Variants in SLC38A1 observed in about 807,000 individuals in gnomAD.
The protein encoded by SLC38A1 is sodium-coupled neutral amino acid symporter 1.
Under a neutral mutation model 60.3 loss-of-function variants are expected in SLC38A1, and 18 were observed. That is an observed-to-expected ratio of 0.30 (90% CI 0.21 to 0.44). The LOEUF (loss-of-function observed/expected upper bound fraction) is 0.44. SLC38A1 is among the 20% of genes least tolerant of loss of function. The probability of loss-of-function intolerance (pLI) is 1.00; values close to 1 mark genes in which losing one functional copy is unlikely to be tolerated. For synonymous variants in SLC38A1, 196 were observed against 212.1 expected, an observed-to-expected ratio of 0.92 and a Z score of 0.66; for missense variants, 448 against 587.2, an observed-to-expected ratio of 0.76 and a Z score of 2.45.
intron 3 of SLC38A1, among the ~76,000 whole-genome samples, chr12:46,233,725 T>C (rs947192046): frequency 6.6e-6 from 1 of 152,228 alleles, no homozygotes; most frequent in African/African-American, 2.4e-5. Flanking sequence ...TTTTAATGAG[T>C]AACCGTTAAA....
chr12:46,260,036 C>A (rs982978883), intron 1 of SLC38A1, among the ~76,000 whole-genome samples: 1 of 152,184 alleles, frequency 6.6e-6, no homozygotes, highest in African/African-American at 2.4e-5. Context: ...GTAAAATGGA[C>A]TTAAAGCAAT....
intron 5 of SLC38A1, among the ~76,000 whole-genome samples, chr12:46,225,851 C>G (rs970290604): frequency 6.6e-6 from 1 of 152,048 alleles, no homozygotes; most frequent in Non-Finnish European, 1.5e-5. Context: ...CAGCAAAATC[C>G]AGATTGTGGA....
rs1179500123 is a variant in SLC38A1, at chr12:46,206,106, A to C, written c.620T>G (p.Leu207Arg). The C allele has an allele frequency of 6.2e-7, 1 of 1,612,054 alleles. No homozygotes were observed. Among genetic ancestry groups the C allele is most frequent in the African/African-American group, 1.3e-5 (1 of 74,834 alleles). ...LVVIVTFGIILPLCLLKNLGY... is the reference protein window; with the variant it reads ...LVVIVTFGIIRPLCLLKNLGY... ...TAAGTTCTTCAAGAGACACAGAGGG[A>C]GAATTATGCCAAAGGTAACTATCAC... Residue 207 changes from leucine (L) to arginine (R), a missense_variant, in exon 9 of 17, where the codon CTC (leucine) becomes CGC (arginine). Transcript: ENST00000398637.
At chr12:46,257,581 G>A (rs181090299) in intron 1 of SLC38A1, among the ~76,000 whole-genome samples, 2 of 152,070 alleles carry the variant, frequency 1.3e-5, no homozygotes, top group South Asian at 2.1e-4. Flanking sequence ...TGTACCTTCC[G>A]GGTTTGGCAG....
intron 3 of SLC38A1, 68 bp downstream of exon 3, chr12:46,239,611 G>A (rs1369556464): frequency 1.9e-6 from 3 of 1,571,316 alleles, no homozygotes; most frequent in Non-Finnish European, 2.6e-6. Context: ...CCAAAGTGAT[G>A]GGATTACAGG....
intron 13 of SLC38A1, among the ~76,000 whole-genome samples, chr12:46,200,556 G>T (rs1197307198): frequency 1.3e-5 from 2 of 152,096 alleles, no homozygotes; most frequent in Non-Finnish European, 2.9e-5. Context: ...TTCATTCAGG[G>T]TCAGTAAAAG....
chr12:46,190,694 G>A (rs1939109949), intron 16 of SLC38A1, among the ~76,000 whole-genome samples: 1 of 152,196 alleles, frequency 6.6e-6, no homozygotes, highest in African/African-American at 2.4e-5. Flanking sequence ...CAGTGATGAT[G>A]AGCATTTTTT....
At chr12:46,204,631 C>T (rs763666583) in intron 9 of SLC38A1, 41 bp from the exon 10 acceptor site, 15 of 1,525,222 alleles carry the variant, frequency 9.8e-6, no homozygotes, top group Admixed American at 4.0e-5. Context: ...CATTTTTTTC[C>T]ATTTTTAAAA....
At chr12:46,206,886 TA>T (rs1939929157) in intron 8 of SLC38A1, among the ~76,000 whole-genome samples, 1 of 152,212 alleles carries the variant, frequency 6.6e-6, no homozygotes, top group Non-Finnish European at 1.5e-5. Flanking sequence ...TCACAGAAAC[TA>T]GATATAGATT....
intron 16 of SLC38A1, among the ~76,000 whole-genome samples, 194 bp from the exon 17 acceptor site, chr12:46,189,265 GA>G (rs147988406): frequency 0.011 from 1,537 of 143,730 alleles, 18 homozygotes; most frequent in East Asian, 0.041. Flanking sequence ...GGGAAAATAG[GA>G]AAAAAAAAAA....
At chr12:46,208,250 C>T (rs1391471790) in intron 6 of SLC38A1, among the ~76,000 whole-genome samples, 4 of 152,160 alleles carry the variant, frequency 2.6e-5, no homozygotes, top group African/African-American at 7.2e-5. Context: ...TGAAAGTGTT[C>T]GACTAGCTCA....
chr12:46,196,293 G>C (rs1028367012), intron 16 of SLC38A1: 1 of 1,535,152 alleles, frequency 6.5e-7, no homozygotes. Flanking sequence ...AAGGAGAGGA[G>C]CAAATTGGGG....
In SLC38A1 at chr12:46,184,936, C is replaced by T. The variant is rs1360213739; in HGVS notation, c.*4034G>A. ...TTTGCACCTGCGCTGCTATTTTCAA[C>T]GAGAAGGGGATAACCAGGTGGCAGC... On this transcript the variant is annotated 3_prime_UTR_variant, in exon 17 of 17. Coordinates refer to ENST00000398637, the MANE Select transcript of SLC38A1 (RefSeq NM_030674.4). 7 of 152,118 alleles carry T rather than the reference C, an allele frequency of 4.6e-5. No homozygotes were observed. In the East Asian group the frequency reaches 1.2e-3, roughly 25 times the overall value. 9.4% of individuals were successfully genotyped at this position (152,118 alleles called of 1,614,324 possible). A position where few individuals can be genotyped will look rare whatever the true frequency, so the allele number is the denominator to read the frequency against.
Position 46,188,737 on chromosome 12 carries a change from T to C in SLC38A1, c.*233A>G. The C allele has an allele frequency of 2.4e-6, 1 of 416,412 alleles. No homozygotes were observed. The highest frequency in any genetic ancestry group is 3.6e-5 in the East Asian group (1 of 27,786). The allele number at this position is 416,412 out of a possible 1,614,324, so 25.8% of individuals were successfully genotyped here. On this transcript the variant is annotated 3_prime_UTR_variant, in exon 17 of 17. Transcript: ENST00000398637. The stretch of plus-strand genomic sequence containing the variant: ...TGAAAAGTACTGGGAAATATGATTG[T>C]ATGAAATTTGAAAAAAAAATTTCAC...
intron 5 of SLC38A1, among the ~76,000 whole-genome samples, chr12:46,221,521 TG>T (rs1565772009): frequency 1.3e-5 from 2 of 152,212 alleles, no homozygotes; most frequent in Non-Finnish European, 2.9e-5. Context: ...ACCTTTCAGT[TG>T]ATCTTTTTTC....
At chr12:46,198,087 G>C in intron 14 of SLC38A1, 27 bp from the exon 15 acceptor site, 9 of 1,611,068 alleles carry the variant, frequency 5.6e-6, no homozygotes, top group Non-Finnish European at 6.8e-6. Flanking sequence ...CAAAGATTCT[G>C]TAAGTGCCTA....
intron 5 of SLC38A1, among the ~76,000 whole-genome samples, chr12:46,221,502 G>T (rs1456707873): frequency 6.6e-6 from 1 of 152,174 alleles, no homozygotes; most frequent in African/African-American, 2.4e-5. Flanking sequence ...AAGTCTGAGG[G>T]TGAACTAAAC....
intron 1 of SLC38A1, among the ~76,000 whole-genome samples, chr12:46,248,706 A>G (rs1941715258): frequency 6.6e-6 from 1 of 152,224 alleles, no homozygotes; most frequent in African/African-American, 2.4e-5. Flanking sequence ...ACCCCAAATC[A>G]ACAAAATATA....
chr12:46,256,605 G>A (rs553896619), intron 1 of SLC38A1, among the ~76,000 whole-genome samples: 290 of 92,758 alleles, frequency 3.1e-3, no homozygotes, highest in African/African-American at 0.016. Flanking sequence ...CAGTTTGCGC[G>A]CGCGCGCGCA....
Sources: gnomAD v4.1 joint callset for allele counts (sites outside exome capture counted in the v4.1 genomes callset) on GRCh38, gnomAD v4.1.1 for gene constraint, MANE v1.5 for transcripts, NCBI Gene and HGNC (gene_info 2026-07-23, HGNC 2026-07-21) for gene names.